The following ZNF879 variants were observed in gnomAD, a reference collection of about 807,000 sequenced individuals.
The protein encoded by ZNF879 is zinc finger protein 879.
Under a neutral mutation model 44.3 loss-of-function variants are expected in ZNF879, and 32 were observed. That is an observed-to-expected ratio of 0.72 (90% CI 0.54 to 0.97). ZNF879 has a LOEUF of 0.97. ZNF879 is among the 50% of genes least tolerant of loss of function. ZNF879 has a pLI of 0.00. For missense variants in ZNF879, 621 were observed against 669.7 expected, an observed-to-expected ratio of 0.93 and a Z score of 0.80; for synonymous variants, 234 against 233.2, an observed-to-expected ratio of 1.00 and a Z score of -0.03.
intron 4 of ZNF879, among the ~76,000 whole-genome samples, chr5:179,029,738 CT>C (rs767289308): frequency 7.9e-5 from 12 of 152,116 alleles, no homozygotes; most frequent in Non-Finnish European, 1.3e-4. Flanking sequence ...TGCATATTTG[CT>C]TAAATGTGTT....
rs1372714399 is a variant in ZNF879, at chr5:179,034,201, A to AT, written c.*561_*562insT. 1 of 152,284 alleles carries AT rather than the reference A, an allele frequency of 6.6e-6. No homozygotes were observed. Among genetic ancestry groups the AT allele is most frequent in the Non-Finnish European group, 1.5e-5 (1 of 68,180 alleles). The allele number at this position is 152,284 out of a possible 1,614,324, so 9.4% of individuals were successfully genotyped here. A position where few individuals can be genotyped will look rare whatever the true frequency, so the allele number is the denominator to read the frequency against. ...TTTCTAAGCCATTCACCTGAGAAGA[A>AT]AATCACTCCATAAACTATGCAGACG... On this transcript the variant is annotated 3_prime_UTR_variant, in exon 5 of 5. Transcript: ENST00000444149.
In ZNF879 at chr5:179,027,612, C is replaced by G; in HGVS notation, c.160+13C>G. 1 of 1,613,460 alleles carries G rather than the reference C, an allele frequency of 6.2e-7. No homozygotes were observed. Among genetic ancestry groups the G allele is most frequent in the Non-Finnish European group, 8.5e-7 (1 of 1,179,714 alleles). ...CTGGTCTCACTGGGTAAGGAACTTT[C>G]CTCCTGATGCAGAATCTGCCAGGAG... is the stretch of plus-strand genomic sequence containing the variant. On this transcript the variant is annotated intron_variant, in intron 3 of 4. Coordinates refer to ENST00000444149, the MANE Select transcript of ZNF879 (RefSeq NM_001136116.3).
chr5:179,024,951 G>C lies in ZNF879; in HGVS notation c.-35-19G>C. On this transcript the variant is annotated intron_variant, in intron 1 of 4. Coordinates refer to ENST00000444149, the MANE Select transcript of ZNF879 (RefSeq NM_001136116.3). ...GCAGGCTGGATGAAAAGACCTCACAGCTTTTTTCTCCATTCCAGGTGCCTT... is the reference window on the plus strand; with the variant it reads ...GCAGGCTGGATGAAAAGACCTCACACCTTTTTTCTCCATTCCAGGTGCCTT... 1 of 1,547,600 alleles carries C rather than the reference G, an allele frequency of 6.5e-7. No homozygotes were observed. The highest frequency in any genetic ancestry group is 8.7e-7 in the Non-Finnish European group (1 of 1,143,582).
At chr5:179,030,881 T>G (rs1289246848) in intron 4 of ZNF879, among the ~76,000 whole-genome samples, 3 of 152,220 alleles carry the variant, frequency 2.0e-5, no homozygotes, top group African/African-American at 7.2e-5. Context: ...TCTCCCAGTA[T>G]TCCCCAATAT....
intron 4 of ZNF879, among the ~76,000 whole-genome samples, chr5:179,030,837 G>A (rs1451549031): frequency 6.6e-6 from 1 of 152,096 alleles, no homozygotes; most frequent in Non-Finnish European, 1.5e-5. Flanking sequence ...TAACCAAAAA[G>A]GTAGACAAAA....
At chr5:179,030,220 G>C (rs1369419053) in intron 4 of ZNF879, among the ~76,000 whole-genome samples, 1 of 152,224 alleles carries the variant, frequency 6.6e-6, no homozygotes, top group African/African-American at 2.4e-5. Flanking sequence ...TGCCACTGCT[G>C]TGAGTGATAA....
At chr5:179,028,649 C>T (rs925661442) in intron 4 of ZNF879, among the ~76,000 whole-genome samples, 2 of 152,114 alleles carry the variant, frequency 1.3e-5, no homozygotes, top group Admixed American at 6.5e-5. Context: ...GTAACAGTTA[C>T]GGAATGTGAG....
rs746148991 is a variant in ZNF879, at chr5:179,033,409, T to C, written c.1461T>C (p.Asn487=). Residue 487 remains asparagine, a synonymous_variant, in exon 5 of 5, where the codon AAT becomes AAC. Coordinates refer to ENST00000444149, the MANE Select transcript of ZNF879 (RefSeq NM_001136116.3). ...IHTGEKPYKC[N]DCEKAFNQSS... is the part of the protein sequence containing the mutation. ...CTGGAGAAAAACCTTATAAATGTAA[T>C]GACTGTGAGAAAGCCTTCAACCAAA... 2.6e-6 allele frequency: 4 copies of C among 1,558,672 alleles called. No homozygotes were observed. The Admixed American group carries it at 7.8e-5, about 30-fold the overall frequency.
In ZNF879 at chr5:179,033,615, C is replaced by G. The variant is rs760969069; in HGVS notation, c.1667C>G (p.Thr556Ser). ...GCTTTTAGTCAGAGCTCATCTCTTA[C>G]TAATCATCAAAGGACTCATAATTGA... is the stretch of plus-strand genomic sequence containing the variant. ...GKAFSQSSSLTNHQRTHN is the reference protein window; with the variant it reads ...GKAFSQSSSLSNHQRTHN The change falls in exon 5 of 5, where the codon ACT (threonine) becomes AGT (serine). Residue 556 changes from threonine to serine, a missense_variant. Thr to Ser is a moderately conservative substitution (Grantham distance 58). Transcript: ENST00000444149. 2.0e-5 allele frequency: 30 copies of G among 1,525,470 alleles called. No individual in the cohort carries two copies. The South Asian group carries it at 2.9e-4, about 15-fold the overall frequency. 94.5% of individuals were successfully genotyped at this position (1,525,470 alleles called of 1,614,324 possible).
In ZNF879 at chr5:179,027,885, A is replaced by G. The variant is rs1021155068; in HGVS notation, c.161-147A>G. On this transcript the variant is annotated intron_variant, in intron 3 of 4. Coordinates refer to ENST00000444149, the MANE Select transcript of ZNF879 (RefSeq NM_001136116.3). ...GAGCCCTGACTTTCTTCCTGGGACCATCTCCTGGTTGTCCTCTAGGAGCCC... is the reference window on the plus strand; with the variant it reads ...GAGCCCTGACTTTCTTCCTGGGACCGTCTCCTGGTTGTCCTCTAGGAGCCC... 38 of 752,606 alleles carry G rather than the reference A, an allele frequency of 5.0e-5. No individual in the cohort carries two copies. In the Admixed American group the frequency reaches 6.1e-4, roughly 12 times the overall value. 46.6% of individuals were successfully genotyped at this position (752,606 alleles called of 1,614,324 possible).
intron 2 of ZNF879, 121 bp from the exon 3 acceptor site, chr5:179,027,352 A>G (rs1318629646): frequency 1.0e-5 from 14 of 1,380,848 alleles, no homozygotes; most frequent in Non-Finnish European, 1.4e-5. Flanking sequence ...GTGCTTGGTA[A>G]CTGAAAAGTT....
At chr5:179,031,370 A>G (rs34054398) in intron 4 of ZNF879, among the ~76,000 whole-genome samples, 44,850 of 152,020 alleles carry the variant, frequency 0.3, 7,231 homozygotes, top group African/African-American at 0.43. Flanking sequence ...ATGGACTGCT[A>G]TATGTCCTGG....
chr5:179,033,586 G>A lies in ZNF879; in HGVS notation c.1638G>A (p.Gly546=). The A allele has an allele frequency of 6.5e-7, 1 of 1,547,360 alleles. No homozygotes were observed. Among genetic ancestry groups the A allele is most frequent in the Non-Finnish European group, 8.7e-7 (1 of 1,145,916 alleles). ...GEKPYKCKEC[G]KAFSQSSSLT... is the part of the protein sequence containing the mutation. ...AACCTTATAAATGTAAAGAATGTGGGAAGGCTTTTAGTCAGAGCTCATCTC... is the reference window on the plus strand; with the variant it reads ...AACCTTATAAATGTAAAGAATGTGGAAAGGCTTTTAGTCAGAGCTCATCTC... The change falls in exon 5 of 5, where the codon GGG becomes GGA. Residue 546 remains glycine (G), a synonymous_variant. Transcript: ENST00000444149.
intron 2 of ZNF879, among the ~76,000 whole-genome samples, chr5:179,026,812 G>C (rs1323496139): frequency 6.6e-6 from 1 of 152,142 alleles, no homozygotes; most frequent in Non-Finnish European, 1.5e-5. Context: ...TCAAGAAGGG[G>C]AGATGGCCCT....
chr5:179,024,007 G>A (rs1246192103), intron 1 of ZNF879, 103 bp downstream of exon 1: 2 of 152,194 alleles, frequency 1.3e-5, no homozygotes, highest in East Asian at 1.9e-4. Context: ...CCGGCTCCGG[G>A]CGTCCGAGCC....
Position 179,034,595 on chromosome 5 carries a change from C to T in ZNF879, c.*955C>T, listed in dbSNP as rs1323269652. 1.3e-5 allele frequency: 2 copies of T among 152,140 alleles called. No homozygotes were observed. Among genetic ancestry groups the T allele is most frequent in the African/African-American group, 4.8e-5 (2 of 41,422 alleles). 9.4% of individuals were successfully genotyped at this position (152,140 alleles called of 1,614,324 possible). On this transcript the variant is annotated 3_prime_UTR_variant, in exon 5 of 5. Transcript: ENST00000444149. The stretch of plus-strand genomic sequence containing the variant: ...TTCACCCTTACTTCCACTTTTTCGC[C>T]TTCATCAGACAAGGTTCACTTTCTC...
rs1243937210 is a variant in ZNF879 at position 179,033,411 on chromosome 5, A to T, written c.1463A>T (p.Asp488Val). ...GGAGAAAAACCTTATAAATGTAATG[A>T]CTGTGAGAAAGCCTTCAACCAAAGC... is the stretch of plus-strand genomic sequence containing the variant. ...HTGEKPYKCN[D>V]CEKAFNQSSA... The change falls in exon 5 of 5, where the codon GAC becomes GTC. Residue 488 changes from aspartate to valine, a missense_variant. Asp to Val is a radical substitution (Grantham distance 152). Transcript: ENST00000444149. 1.4e-5 allele frequency: 22 copies of T among 1,559,130 alleles called. No homozygotes were observed. The highest frequency in any genetic ancestry group is 1.8e-5 in the Non-Finnish European group (21 of 1,151,562).
chr5:179,032,902 T>C lies in ZNF879; in HGVS notation c.954T>C (p.Cys318=). The change falls in exon 5 of 5, where the codon TGT becomes TGC. Residue 318 remains cysteine (C), a synonymous_variant. Transcript: ENST00000444149. ...RIHTGEKPYK[C]NECGRAFSQC... is the part of the protein sequence containing the mutation. ...ACACAGGAGAGAAGCCCTATAAGTG[T>C]AATGAATGTGGGAGGGCCTTCAGTC... 2 of 1,570,918 alleles carry C rather than the reference T, an allele frequency of 1.3e-6. No homozygotes were observed. Among genetic ancestry groups the C allele is most frequent in the Non-Finnish European group, 1.7e-6 (2 of 1,157,924 alleles).
At chr5:179,024,837 C>T in intron 1 of ZNF879, 133 bp from the exon 2 acceptor site, 1 of 647,002 alleles carries the variant, frequency 1.5e-6, no homozygotes, top group East Asian at 2.7e-5. Flanking sequence ...GGACTTAGGG[C>T]CCCTCTGGCC....
Sources: gnomAD v4.1 joint callset for allele counts (sites outside exome capture counted in the v4.1 genomes callset) on GRCh38, gnomAD v4.1.1 for gene constraint, MANE v1.5 for transcripts, NCBI Gene and HGNC (gene_info 2026-07-23, HGNC 2026-07-21) for gene names.